Variants in CDKN2AIPNL observed in about 807,000 individuals in gnomAD.
CDKN2AIPNL encodes XRN2 binding domain containing 1.
In CDKN2AIPNL, 9 loss-of-function variants were observed where a neutral mutation model predicts 12.9. The observed-to-expected ratio is 0.70, with a 90% CI of 0.42 to 1.22. The LOEUF is 1.22. Among genes scored for constraint, CDKN2AIPNL ranks in the 50% most tolerant of loss-of-function variants. The probability of loss-of-function intolerance (pLI) is 0.00; values close to 1 mark genes in which losing one functional copy is unlikely to be tolerated. For synonymous variants in CDKN2AIPNL, 53 were observed against 61.7 expected (o/e 0.86, Z 0.66); for missense variants, 143 against 153.6 (o/e 0.93, Z 0.37).
At chr5:134,405,654 A>C (rs1428608738) in intron 2 of CDKN2AIPNL, among the ~76,000 whole-genome samples, 1 of 151,636 alleles carries the variant, frequency 6.6e-6, no homozygotes, top group Non-Finnish European at 1.5e-5. Context: ...TGACCTCGTG[A>C]CCTGCCTGCC....
At chr5:134,408,207 C>G (rs1759134092) in intron 2 of CDKN2AIPNL, among the ~76,000 whole-genome samples, 1 of 152,130 alleles carries the variant, frequency 6.6e-6, no homozygotes, top group Admixed American at 6.6e-5. Flanking sequence ...AAGGTATACT[C>G]CAGTAGCCAG....
intron 2 of CDKN2AIPNL, among the ~76,000 whole-genome samples, chr5:134,409,668 C>T (rs1031846977): frequency 6.6e-6 from 1 of 152,110 alleles, no homozygotes; most frequent in Non-Finnish European, 1.5e-5. Flanking sequence ...TCCTAAACAA[C>T]CGGAAGAGGT....
intron 1 of CDKN2AIPNL, chr5:134,410,787 C>T (rs553402056): frequency 3.7e-6 from 2 of 546,120 alleles, no homozygotes; most frequent in East Asian, 3.0e-5. Flanking sequence ...GGCCAAATGA[C>T]CAGAGTCAGG....
intron 2 of CDKN2AIPNL, among the ~76,000 whole-genome samples, chr5:134,405,396 C>T (rs917682033): frequency 4.6e-5 from 7 of 151,652 alleles, no homozygotes; most frequent in Admixed American, 6.6e-5. Context: ...TGAGCCACCG[C>T]GCCCAGCCCA....
chr5:134,411,560 G>T, intron 1 of CDKN2AIPNL, 56 bp downstream of exon 1: 1 of 1,466,474 alleles, frequency 6.8e-7, no homozygotes, highest in Non-Finnish European at 9.5e-7. Context: ...CCCTGGGAGA[G>T]GCCTTGAGGG....
chr5:134,403,750 G>A (rs764387986), intron 2 of CDKN2AIPNL, among the ~76,000 whole-genome samples: 3 of 152,054 alleles, frequency 2.0e-5, no homozygotes, highest in Non-Finnish European at 4.4e-5. Context: ...TCAGCCTCCC[G>A]AGTAGCTGTG....
In CDKN2AIPNL at chr5:134,411,618, G is replaced by A; in HGVS notation, c.237C>T (p.Cys79=). 1 of 1,611,340 alleles carries A rather than the reference G, an allele frequency of 6.2e-7. No homozygotes were observed. Among genetic ancestry groups the A allele is most frequent in the Non-Finnish European group, 8.5e-7 (1 of 1,179,076 alleles). ...MVWANHLFLG[C]SYNKDLLDKV... ...AGCCGGCCGGCAGGGGTCCGCACCT[G>A]CAGCCTAGGAAGAGATGGTTGGCCC... Residue 79 remains cysteine, a splice_region_variant and synonymous_variant, in exon 1 of 3, where the codon TGC becomes TGT. Transcript: ENST00000458198.
At chr5:134,410,261 G>A (rs952473671) in intron 1 of CDKN2AIPNL, among the ~76,000 whole-genome samples, 9 of 152,034 alleles carry the variant, frequency 5.9e-5, no homozygotes, top group East Asian at 1.9e-4. Flanking sequence ...TCAGCCTCCC[G>A]AGTAGCTGGG....
chr5:134,411,087 G>A (rs1352472528), intron 1 of CDKN2AIPNL: 55 of 702,426 alleles, frequency 7.8e-5, no homozygotes, highest in Non-Finnish European at 1.0e-5. Flanking sequence ...CGTGGGCTGT[G>A]GAGTGAGGAG....
chr5:134,405,468 G>A (rs1248071206), intron 2 of CDKN2AIPNL, among the ~76,000 whole-genome samples: 3 of 149,444 alleles, frequency 2.0e-5, no homozygotes, highest in East Asian at 4.0e-4. Context: ...CCAGGCTGGA[G>A]TGCAATGACA....
Position 134,411,689 on chromosome 5 carries a change from C to T in CDKN2AIPNL, c.166G>A (p.Asp56Asn). ...AGCTGGTCCAGGCGGCCACTGCCGT[C>T]GGGCGGGTCGCGGTAGTCGGGCAGG... The part of the protein sequence containing the change: ...RHLPDYRDPP[D>N]GSGRLDQLLS... Residue 56 changes from aspartate (D) to asparagine (N), a missense_variant, in exon 1 of 3, where the codon GAC becomes AAC. Asp to Asn is a conservative substitution (Grantham distance 23). Coordinates refer to ENST00000458198, the MANE Select transcript of CDKN2AIPNL (RefSeq NM_080656.3). 6.2e-7 allele frequency: 1 copy of T among 1,613,034 alleles called. No homozygotes were observed. The highest frequency in any genetic ancestry group is 8.5e-7 in the Non-Finnish European group (1 of 1,179,786).
intron 2 of CDKN2AIPNL, among the ~76,000 whole-genome samples, chr5:134,404,543 G>C (rs1332739894): frequency 6.6e-6 from 1 of 151,912 alleles, no homozygotes; most frequent in Non-Finnish European, 1.5e-5. Flanking sequence ...GCCCAGGCTG[G>C]TCTGGAACTC....
intron 2 of CDKN2AIPNL, among the ~76,000 whole-genome samples, chr5:134,408,013 C>T (rs1391537809): frequency 6.6e-6 from 1 of 151,958 alleles, no homozygotes; most frequent in Non-Finnish European, 1.5e-5. Flanking sequence ...CGGCTGTAAT[C>T]CCAGCTACTG....
At chr5:134,410,770 C>T (rs141927576) in intron 1 of CDKN2AIPNL, 46 of 531,140 alleles carry the variant, frequency 8.7e-5, no homozygotes, top group African/African-American at 7.6e-4. Flanking sequence ...TGGCTTAGGC[C>T]TGCAGGGGCC....
intron 2 of CDKN2AIPNL, 65 bp downstream of exon 2, chr5:134,409,838 G>T: frequency 1.0e-6 from 1 of 988,606 alleles, no homozygotes; most frequent in Non-Finnish European, 1.6e-6. Context: ...CTAATATAGT[G>T]TCATCAAGGC....
chr5:134,402,969 C>T, intron 2 of CDKN2AIPNL, 43 bp from the exon 3 acceptor site: 2 of 1,565,392 alleles, frequency 1.3e-6, no homozygotes, highest in Non-Finnish European at 1.7e-6. Flanking sequence ...CCATGTAGTC[C>T]AGTGAATCAA....
At chr5:134,406,036 G>A (rs1759098744) in intron 2 of CDKN2AIPNL, among the ~76,000 whole-genome samples, 2 of 152,100 alleles carry the variant, frequency 1.3e-5, no homozygotes, top group South Asian at 4.1e-4. Context: ...ATGTATGTGT[G>A]TTTGAATCCC....
At position 134,411,687 on chromosome 5, in the gene CDKN2AIPNL, G is replaced by A; in HGVS notation, c.168C>T (p.Asp56=). The A allele has an allele frequency of 6.2e-7, 1 of 1,613,028 alleles. No homozygotes were observed. Among genetic ancestry groups the A allele is most frequent in the Non-Finnish European group, 8.5e-7 (1 of 1,179,810 alleles). Residue 56 remains aspartate (D), a synonymous_variant, in exon 1 of 3, where the codon GAC becomes GAT. Transcript: ENST00000458198. ...GCAGCTGGTCCAGGCGGCCACTGCC[G>A]TCGGGCGGGTCGCGGTAGTCGGGCA... The part of the protein sequence containing the change: ...RHLPDYRDPP[D]GSGRLDQLLS...
Position 134,402,711 on chromosome 5 carries a change from C to T in CDKN2AIPNL, c.*204G>A. 6.8e-6 allele frequency: 3 copies of T among 444,312 alleles called. No homozygotes were observed. Among genetic ancestry groups the T allele is most frequent in the Non-Finnish European group, 1.2e-5 (3 of 250,552 alleles). The allele number at this position is 444,312 out of a possible 1,614,324, so 27.5% of individuals were successfully genotyped here. On this transcript the variant is annotated 3_prime_UTR_variant, in exon 3 of 3. Transcript: ENST00000458198. Reference sequence around the variant, plus strand: ...GCATGATTTATAAATACATAAATATCCATGCATACTTTTACAGTGATAACT... The same window carrying T: ...GCATGATTTATAAATACATAAATATTCATGCATACTTTTACAGTGATAACT...
Sources: gnomAD v4.1 joint callset for allele counts (sites outside exome capture counted in the v4.1 genomes callset) on GRCh38, gnomAD v4.1.1 for gene constraint, MANE v1.5 for transcripts, NCBI Gene and HGNC (gene_info 2026-07-23, HGNC 2026-07-21) for gene names.